Variants in CDK15 observed in about 807,000 individuals in gnomAD.
CDK15 encodes cyclin dependent kinase 15, also known as cyclin-dependent kinase 15.
Under a neutral mutation model 60.3 loss-of-function variants are expected in CDK15, and 62 were observed. The observed-to-expected ratio is 1.03, with a 90% CI of 0.84 to 1.27. CDK15 has a LOEUF of 1.27. Among genes scored for constraint, CDK15 ranks in the 50% most tolerant of loss-of-function variants. The pLI, the probability that CDK15 is intolerant of heterozygous loss-of-function variation, is 0.00. For synonymous variants in CDK15, 194 were observed against 195.7 expected, an observed-to-expected ratio of 0.99 and a Z score of 0.07; for missense variants, 541 against 527.8, an observed-to-expected ratio of 1.03 and a Z score of -0.25.
rs748029870 is a variant in CDK15, at chr2:201,833,846, A to G, written c.607-2A>G. Reference sequence around the variant, plus strand: ...CTTATGGATAGTGTTTCTTCCTTCCAGCTTTTCATGTTTCAACTTTTGCGG... The same window carrying G: ...CTTATGGATAGTGTTTCTTCCTTCCGGCTTTTCATGTTTCAACTTTTGCGG... On this transcript the variant is annotated splice_acceptor_variant, in intron 6 of 13. Coordinates refer to ENST00000652192, the MANE Select transcript of CDK15 (RefSeq NM_001366386.2). LOFTEE classifies it high-confidence loss of function. The G allele has an allele frequency of 1.9e-6, 3 of 1,612,894 alleles. No individual in the cohort carries two copies. The highest frequency in any genetic ancestry group is 2.5e-6 in the Non-Finnish European group (3 of 1,179,652).
At position 201,812,479 on chromosome 2, in the gene CDK15, C is replaced by A. The variant is rs866278090; in HGVS notation, c.369-4C>A. ...GTGTGTGCCCCTCAATCCCTCTCTT[C>A]TAGAATAAATGGACAACTAGTGGCT... is the stretch of plus-strand genomic sequence containing the variant. On this transcript the variant is annotated splice_polypyrimidine_tract_variant and splice_region_variant and intron_variant, in intron 3 of 13. Transcript: ENST00000652192. 4 of 1,609,362 alleles carry A rather than the reference C, an allele frequency of 2.5e-6. No individual in the cohort carries two copies. Among genetic ancestry groups the A allele is most frequent in the Non-Finnish European group, 2.5e-6 (3 of 1,176,496 alleles).
At chr2:201,839,492 G>A (rs1697277228) in intron 8 of CDK15, among the ~76,000 whole-genome samples, 1 of 152,044 alleles carries the variant, frequency 6.6e-6, no homozygotes, top group South Asian at 2.1e-4. Context: ...ATTTCAGTAG[G>A]GACTGTGGAT....
intron 6 of CDK15, 123 bp from the exon 7 acceptor site, chr2:201,833,725 T>C (rs201441663): frequency 3.4e-5 from 23 of 674,672 alleles, no homozygotes; most frequent in South Asian, 1.3e-4. Flanking sequence ...TCTTTTTTTT[T>C]TTTTTTTTGG....
rs1338770752 is a variant in CDK15, at chr2:201,892,081, C to T, written c.*33+1154C>T. Among the ~76,000 whole-genome samples, 7 of 152,312 alleles carry T rather than the reference C, an allele frequency of 4.6e-5. No individual in the cohort carries two copies. In the East Asian group the frequency reaches 1.4e-3, roughly 29 times the overall value. Reference sequence around the variant, plus strand: ...TTCCTGGCTCTTCTAAGATCATTGTCTTGTCTTCAAAGAGCAGGGAAGTTT... The same window carrying T: ...TTCCTGGCTCTTCTAAGATCATTGTTTTGTCTTCAAAGAGCAGGGAAGTTT... On this transcript the variant is annotated intron_variant, in intron 13 of 13. Transcript: ENST00000652192.
intron 11 of CDK15, among the ~76,000 whole-genome samples, chr2:201,877,440 C>A (rs754777070): frequency 6.8e-4 from 103 of 152,230 alleles, no homozygotes; most frequent in Non-Finnish European, 2.6e-4. Context: ...TCCAGAAGTT[C>A]ATATTTAACC....
chr2:201,847,906 G>T (rs1395890931), intron 9 of CDK15, among the ~76,000 whole-genome samples: 1 of 152,096 alleles, frequency 6.6e-6, no homozygotes, highest in Non-Finnish European at 1.5e-5. Flanking sequence ...AGCACTTTGG[G>T]ATTGCTTTGA....
rs148206712 is a variant in CDK15 at position 201,880,330 on chromosome 2, C to T, written c.1198+163C>T. 6.0e-4 allele frequency among the ~76,000 whole-genome samples: 91 copies of T among 152,240 alleles called. 1 individual carries two copies. In the South Asian group the frequency reaches 0.012, roughly 19 times the overall value. On this transcript the variant is annotated intron_variant, in intron 12 of 13. Transcript: ENST00000652192. Reference sequence around the variant, plus strand: ...TTTGCCTGGGAGAAGCAAGATAGGACCTAATCTTGTCTGAGTTTTGCATGA... The same window carrying T: ...TTTGCCTGGGAGAAGCAAGATAGGATCTAATCTTGTCTGAGTTTTGCATGA...
rs887264594 is a variant in CDK15, at chr2:201,806,936, G to A, written c.123+149G>A. On this transcript the variant is annotated intron_variant, in intron 1 of 13. Coordinates refer to ENST00000652192, the MANE Select transcript of CDK15 (RefSeq NM_001366386.2). Reference sequence around the variant, plus strand: ...TTAAAGTCACAGAAAATTTATGGCTGTAGTTATCAAATTTGGGGAATTTCT... The same window carrying A: ...TTAAAGTCACAGAAAATTTATGGCTATAGTTATCAAATTTGGGGAATTTCT... 2.0e-5 allele frequency: 20 copies of A among 976,320 alleles called. No individual in the cohort carries two copies. The East Asian group carries it at 3.7e-4, about 18-fold the overall frequency. The allele number at this position is 976,320 out of a possible 1,614,324, so 60.5% of individuals were successfully genotyped here.
chr2:201,816,720 G>A (rs1009067067), intron 4 of CDK15, among the ~76,000 whole-genome samples: 1 of 151,932 alleles, frequency 6.6e-6, no homozygotes, highest in Non-Finnish European at 1.5e-5. Context: ...GATGGGACTC[G>A]ACTCCAGAGA....
At chr2:201,819,132 G>A (rs1044553394) in intron 4 of CDK15, among the ~76,000 whole-genome samples, 1 of 152,086 alleles carries the variant, frequency 6.6e-6, no homozygotes, top group East Asian at 1.9e-4. Context: ...GGATGGGGTA[G>A]AGGTGGGATG....
intron 6 of CDK15, among the ~76,000 whole-genome samples, chr2:201,830,145 T>A (rs988953324): frequency 6.6e-6 from 1 of 152,150 alleles, no homozygotes; most frequent in African/African-American, 2.4e-5. Flanking sequence ...CTTGCTATGT[T>A]GCCCAGGCTG....
intron 10 of CDK15, among the ~76,000 whole-genome samples, chr2:201,867,794 C>T (rs560861442): frequency 3.3e-5 from 5 of 152,134 alleles, no homozygotes; most frequent in Non-Finnish European, 7.3e-5. Context: ...AATGAGAGGT[C>T]AGAACCAAAA....
At chr2:201,875,059 A>G (rs1699023987) in intron 11 of CDK15, among the ~76,000 whole-genome samples, 1 of 152,172 alleles carries the variant, frequency 6.6e-6, no homozygotes, top group Non-Finnish European at 1.5e-5. Flanking sequence ...GAGAACAACC[A>G]GATTTTAGTA....
chr2:201,824,551 C>A (rs1696382383), intron 6 of CDK15: 1 of 262,218 alleles, frequency 3.8e-6, no homozygotes, highest in Non-Finnish European at 7.7e-6. Context: ...ATGGCAGCCA[C>A]CATGGGCTCA....
chr2:201,870,231 A>G (rs1698801783), intron 10 of CDK15, among the ~76,000 whole-genome samples: 1 of 152,138 alleles, frequency 6.6e-6, no homozygotes, highest in African/African-American at 2.4e-5. Flanking sequence ...AAAGAAGGAA[A>G]AAGGGTAAGC....
chr2:201,843,001 A>G (rs1697469309), intron 8 of CDK15, among the ~76,000 whole-genome samples: 3 of 152,200 alleles, frequency 2.0e-5, no homozygotes, highest in Admixed American at 1.3e-4. Context: ...ACAGAAAAAT[A>G]AAAGGAAATA....
chr2:201,861,055 G>A, intron 10 of CDK15: 13 of 1,114,012 alleles, frequency 1.2e-5, no homozygotes, highest in Non-Finnish European at 1.4e-5. Flanking sequence ...GTTATTCAGT[G>A]GGTTGAACTA....
chr2:201,854,175 A>G (rs115443832), intron 9 of CDK15, among the ~76,000 whole-genome samples: 1 of 151,340 alleles, frequency 6.6e-6, no homozygotes, highest in Middle Eastern at 3.5e-3. Flanking sequence ...CTCCGTCTCA[A>G]AAAAAAAAAA....
chr2:201,825,426 A>T (rs746960467), intron 6 of CDK15, among the ~76,000 whole-genome samples: 5 of 152,186 alleles, frequency 3.3e-5, no homozygotes, highest in Non-Finnish European at 7.4e-5. Flanking sequence ...GTGGGAACAC[A>T]TAATAAGGGA....
Sources: allele counts gnomAD v4.1 joint callset (sites outside exome capture counted in the v4.1 genomes callset), GRCh38; gene constraint gnomAD v4.1.1; transcripts MANE v1.5; gene names NCBI Gene and HGNC (gene_info 2026-07-23, HGNC 2026-07-21).